The following VPS13C variants were observed in gnomAD, a reference collection of about 807,000 sequenced individuals.
VPS13C encodes the protein intermembrane lipid transfer protein VPS13C.
In VPS13C, 358 loss-of-function variants were observed where a neutral mutation model predicts 456.8. That is an observed-to-expected ratio of 0.78 (90% CI 0.72 to 0.86). The LOEUF is 0.86. Ranked by LOEUF, VPS13C falls within the 40% of genes least tolerant of loss-of-function variation. VPS13C has a pLI of 0.00. For missense variants in VPS13C, 4,818 were observed against 4,385.4 expected, an observed-to-expected ratio of 1.10 and a Z score of -2.79; for synonymous variants, 1,578 against 1,486.7, an observed-to-expected ratio of 1.06 and a Z score of -1.41.
intron 73 of VPS13C, 45 bp downstream of exon 73, chr15:61,880,564 C>A: frequency 1.5e-6 from 2 of 1,355,818 alleles, no homozygotes; most frequent in Non-Finnish European, 2.0e-6. Flanking sequence ...TTAAAAAGTT[C>A]TACAATAATT....
intron 32 of VPS13C, among the ~76,000 whole-genome samples, chr15:61,963,401 T>C (rs976319325): frequency 6.6e-6 from 1 of 151,948 alleles, no homozygotes; most frequent in South Asian, 2.1e-4. Context: ...ATTGTCACCA[T>C]TATAAGATTG....
intron 3 of VPS13C, among the ~76,000 whole-genome samples, chr15:62,039,158 C>G (rs1048395294): frequency 1.3e-5 from 2 of 152,096 alleles, no homozygotes; most frequent in African/African-American, 4.8e-5. Context: ...GCACTAACCA[C>G]AATAGCAAAG....
At chr15:62,023,912 A>C in intron 6 of VPS13C, 67 bp from the exon 7 acceptor site, 1 of 1,423,918 alleles carries the variant, frequency 7.0e-7, no homozygotes, top group Non-Finnish European at 9.6e-7. Flanking sequence ...AGGACAGAAA[A>C]GAAAACAAGA....
chr15:61,934,408 T>C (rs1009547120), intron 48 of VPS13C, 77 bp from the exon 49 acceptor site: 3 of 761,128 alleles, frequency 3.9e-6, no homozygotes, highest in African/African-American at 3.6e-5. Flanking sequence ...TAATTTCTTA[T>C]TCTAAATTTA....
intron 66 of VPS13C, chr15:61,906,967 A>C (rs905392859): frequency 1.6e-5 from 5 of 303,938 alleles, no homozygotes; most frequent in Non-Finnish European, 2.5e-5. Flanking sequence ...AGTTGTTTTT[A>C]ACTTAGTCTT....
intron 60 of VPS13C, 100 bp downstream of exon 60, chr15:61,917,241 A>AC: frequency 1.6e-6 from 2 of 1,226,824 alleles, no homozygotes; most frequent in Non-Finnish European, 2.3e-6. Context: ...CATTACACAT[A>AC]CGCTATATAA....
At chr15:61,891,748 G>A (rs751967169) in intron 66 of VPS13C, among the ~76,000 whole-genome samples, 3 of 152,112 alleles carry the variant, frequency 2.0e-5, no homozygotes, top group Non-Finnish European at 4.4e-5. Flanking sequence ...CTTTGAATTG[G>A]TCAGAAATTA....
chr15:62,050,941 A>G (rs907251193), intron 1 of VPS13C, among the ~76,000 whole-genome samples: 1 of 152,196 alleles, frequency 6.6e-6, no homozygotes, highest in Admixed American at 6.5e-5. Context: ...CGCAAAAAAA[A>G]AAAAGTAGAA....
intron 23 of VPS13C, among the ~76,000 whole-genome samples, chr15:61,977,438 T>C (rs1032490377): frequency 6.6e-6 from 1 of 151,940 alleles, no homozygotes; most frequent in South Asian, 2.1e-4. Context: ...AATAATTCTA[T>C]TTGGAGAATG....
Position 61,910,196 on chromosome 15 carries a change from A to C in VPS13C, c.8825T>G (p.Leu2942Ter). Residue 2942 changes from leucine (L) to a stop codon, truncating the protein, a stop_gained, in exon 64 of 85, where the codon TTA (leucine) becomes TGA (stop). Coordinates refer to ENST00000644861, the MANE Select transcript of VPS13C (RefSeq NM_020821.3). LOFTEE classifies it high-confidence loss of function. ...ACTTACCAGATCTTCTAAGCTCAAT[A>C]AAGTGCCATTATCCTGTCGGTTATA... ...FFYNRQDNGT[L>*]LSLEDLNGGI... 7.0e-7 allele frequency: 1 copy of C among 1,422,038 alleles called. No individual in the cohort carries two copies. 88.1% of individuals were successfully genotyped at this position (1,422,038 alleles called of 1,614,324 possible).
At position 61,858,322 on chromosome 15, in the gene VPS13C, CT is replaced by C. The variant is rs1894034057; in HGVS notation, c.10953-1914del. Among the ~76,000 whole-genome samples the C allele has an allele frequency of 6.6e-4, 11 of 16,604 alleles. No homozygotes were observed. Among genetic ancestry groups the C allele is most frequent in the African/African-American group, 1.4e-3 (11 of 7,888 alleles). 10.9% of individuals were successfully genotyped at this position (16,604 alleles called of 152,430 possible). A position where few individuals can be genotyped will look rare whatever the true frequency, so the allele number is the denominator to read the frequency against. ...AGATTTTTATCCAAACTCCAACTAT[CT>C]ATCTATCTATCTATCTATCTATCTA... On this transcript the variant is annotated intron_variant, in intron 82 of 84. Transcript: ENST00000644861. The surrounding 1 kb of genome is among the most constrained non-coding windows in gnomAD (Gnocchi z 4.4).
chr15:62,036,221 C>A (rs956835615), intron 3 of VPS13C, among the ~76,000 whole-genome samples: 3 of 132,324 alleles, frequency 2.3e-5, no homozygotes, highest in Admixed American at 1.7e-4. Flanking sequence ...TCAACTAAGT[C>A]ATGCTTGTAT....
chr15:61,863,155 G>A (rs1285029029), intron 82 of VPS13C, among the ~76,000 whole-genome samples: 1 of 152,016 alleles, frequency 6.6e-6, no homozygotes, highest in East Asian at 1.9e-4. Flanking sequence ...ACTATTACAG[G>A]TATAAAGCCT....
chr15:61,912,355 G>C (rs1468976352), intron 62 of VPS13C, among the ~76,000 whole-genome samples: 1 of 152,086 alleles, frequency 6.6e-6, no homozygotes, highest in East Asian at 1.9e-4. Context: ...TAAAAATTTT[G>C]AAGTAGTAAT....
chr15:61,945,298 GAAAA>G (rs2044566104), intron 45 of VPS13C, among the ~76,000 whole-genome samples: 1 of 152,142 alleles, frequency 6.6e-6, no homozygotes, highest in Non-Finnish European at 1.5e-5. Context: ...GTAATAAAAA[GAAAA>G]GCATTTCATG....
chr15:61,872,132 C>T (rs1384754098), intron 78 of VPS13C, 98 bp from the exon 79 acceptor site: 1 of 920,450 alleles, frequency 1.1e-6, no homozygotes, highest in Non-Finnish European at 1.7e-6. Context: ...GAAATAACAA[C>T]AACAACAACA....
At chr15:62,037,380 A>AT (rs2048085028) in intron 3 of VPS13C, among the ~76,000 whole-genome samples, 1 of 94,652 alleles carries the variant, frequency 1.1e-5, no homozygotes, top group Non-Finnish European at 2.1e-5. Context: ...TATTATATAT[A>AT]AATGTATATA....
At chr15:62,027,890 G>C (rs1169855148) in intron 6 of VPS13C, among the ~76,000 whole-genome samples, 1 of 152,026 alleles carries the variant, frequency 6.6e-6, no homozygotes, top group African/African-American at 2.4e-5. Context: ...AGCTACAACA[G>C]AGGTGAAACA....
At chr15:62,031,241 T>C (rs1054482478) in intron 5 of VPS13C, among the ~76,000 whole-genome samples, 2 of 152,042 alleles carry the variant, frequency 1.3e-5, no homozygotes, top group Admixed American at 6.6e-5. Flanking sequence ...AGCATGATAA[T>C]TTTGTTTTCA....
Sources: allele counts gnomAD v4.1 joint callset (sites outside exome capture counted in the v4.1 genomes callset), GRCh38; gene constraint gnomAD v4.1.1; non-coding constraint Gnocchi (gnomAD v3.1); transcripts MANE v1.5; gene names NCBI Gene and HGNC (gene_info 2026-07-23, HGNC 2026-07-21).